The following DNAH5 variants were observed in gnomAD, a reference collection of about 807,000 sequenced individuals.
The protein encoded by DNAH5 is axonemal beta dynein heavy chain 5.
In DNAH5, 372 loss-of-function variants were observed where a neutral mutation model predicts 518.2. That is an observed-to-expected ratio of 0.72 (90% CI 0.66 to 0.78). The LOEUF (loss-of-function observed/expected upper bound fraction) is 0.78, where lower values mean the gene tolerates loss of function less well. DNAH5 is among the 30% of genes least tolerant of loss of function. DNAH5 has a pLI of 0.00. For synonymous variants in DNAH5, 2,039 were observed against 2,025.9 expected (o/e 1.01, Z -0.17); for missense variants, 5,523 against 5,687.0 (o/e 0.97, Z 0.93).
At chr5:13,725,512 G>T (rs774684659) in intron 70 of DNAH5, among the ~76,000 whole-genome samples, 1 of 152,200 alleles carries the variant, frequency 6.6e-6, no homozygotes, top group Non-Finnish European at 1.5e-5. Flanking sequence ...CCCCACTGTG[G>T]AGTGCTGCAT....
chr5:13,727,414 C>T, intron 70 of DNAH5, 93 bp downstream of exon 70: 1 of 1,263,804 alleles, frequency 7.9e-7, no homozygotes, highest in Non-Finnish European at 1.1e-6. Flanking sequence ...AAAATTCTCA[C>T]TGGAATTCAC....
At position 13,934,944 on chromosome 5, in the gene DNAH5, T is replaced by G. The variant is rs72735070; in HGVS notation, c.58-3700A>C. ...AAGCCAGGAAGATGTCCTGTTGTTT[T>G]GAATTGTTTTCTGCCTTCCTGGCAG... On this transcript the variant is annotated intron_variant, in intron 1 of 78. Transcript: ENST00000265104. Among the ~76,000 whole-genome samples, 510 of 152,366 alleles carry G rather than the reference T, an allele frequency of 3.3e-3. 1 individual carries two copies. Among genetic ancestry groups the G allele is most frequent in the Non-Finnish European group, 6.0e-3 (405 of 68,032 alleles).
At chr5:13,806,726 G>A (rs1423347421) in intron 47 of DNAH5, among the ~76,000 whole-genome samples, 2 of 152,036 alleles carry the variant, frequency 1.3e-5, no homozygotes, top group Non-Finnish European at 2.9e-5. Flanking sequence ...ATAAGGTCTT[G>A]TACAATTTAG....
At chr5:13,870,637 AAC>A (rs1769951935) in intron 24 of DNAH5, 128 bp downstream of exon 24, 1 of 893,046 alleles carries the variant, frequency 1.1e-6, no homozygotes, top group South Asian at 1.5e-5. Flanking sequence ...CGGTATCATC[AAC>A]AATATTGAAA....
intron 65 of DNAH5, among the ~76,000 whole-genome samples, chr5:13,739,329 T>C (rs1748056264): frequency 6.6e-6 from 1 of 152,308 alleles, no homozygotes; most frequent in South Asian, 2.1e-4. Context: ...GAGTGAATTC[T>C]CACAAGATCT....
intron 24 of DNAH5, 118 bp from the exon 25 acceptor site, chr5:13,868,110 G>A (rs1051418307): frequency 7.5e-5 from 63 of 836,332 alleles, no homozygotes; most frequent in Middle Eastern, 3.4e-4. Flanking sequence ...TACCCTGAGA[G>A]TTCTAGTTAT....
intron 12 of DNAH5, among the ~76,000 whole-genome samples, chr5:13,905,178 C>T (rs1205842004): frequency 6.6e-6 from 1 of 152,134 alleles, no homozygotes; most frequent in Non-Finnish European, 1.5e-5. Flanking sequence ...TTTTTAGAAA[C>T]CCATGGATCA....
At chr5:13,896,751 T>A (rs1773964277) in intron 15 of DNAH5, 1 of 152,220 alleles carries the variant, frequency 6.6e-6, no homozygotes, top group Non-Finnish European at 1.5e-5. Context: ...GAAAGGTACA[T>A]AATGTCAAAC....
chr5:13,938,191 G>A (rs908751786), intron 1 of DNAH5, among the ~76,000 whole-genome samples: 46 of 152,066 alleles, frequency 3.0e-4, no homozygotes, highest in Admixed American at 1.5e-3. Context: ...ATCTGCTCCC[G>A]GCACCCAATC....
chr5:13,787,269 T>C (rs1382137380), intron 51 of DNAH5, among the ~76,000 whole-genome samples: 1 of 151,296 alleles, frequency 6.6e-6, no homozygotes, highest in Non-Finnish European at 1.5e-5. Context: ...TCACAATCAA[T>C]TAACATTAGT....
At chr5:13,822,761 A>G (rs1276143358) in intron 40 of DNAH5, among the ~76,000 whole-genome samples, 1 of 152,226 alleles carries the variant, frequency 6.6e-6, no homozygotes, top group Non-Finnish European at 1.5e-5. Flanking sequence ...CAGAGACATC[A>G]TGATATACAT....
At chr5:13,946,895 A>G (rs1779971528), upstream of DNAH5, among the ~76,000 whole-genome samples, 1 of 152,256 alleles carries the variant, frequency 6.6e-6, no homozygotes, top group African/African-American at 2.4e-5. Flanking sequence ...CTATGAATAG[A>G]ACAGCTAATA....
rs767643647 is a variant in DNAH5 at position 13,865,778 on chromosome 5, T to C, written c.4245A>G (p.Ile1415Met). 1 of 1,612,194 alleles carries C rather than the reference T, an allele frequency of 6.2e-7. No homozygotes were observed. Among genetic ancestry groups the C allele is most frequent in the African/African-American group, 1.3e-5 (1 of 75,036 alleles). Residue 1415 changes from isoleucine (I) to methionine (M), a missense_variant, in exon 27 of 79, where the codon ATA becomes ATG. Coordinates refer to ENST00000265104, the MANE Select transcript of DNAH5 (RefSeq NM_001369.3). The stretch of plus-strand genomic sequence containing the variant: ...CTATGACACTGTTGTACAGAGTATA[T>C]ATTTTCTGTAGAAGATTTAGTTGCT... Reference protein sequence around the residue: ...IKKQLNLLQKIYTLYNSVIET... With the variant: ...IKKQLNLLQKMYTLYNSVIET...
chr5:13,739,584 A>G (rs577249542), intron 65 of DNAH5, among the ~76,000 whole-genome samples: 1 of 152,336 alleles, frequency 6.6e-6, no homozygotes, highest in South Asian at 2.1e-4. Context: ...TCTACTCCCT[A>G]TTGAGAGAGC....
At chr5:13,701,263 G>A (rs557316508) in intron 77 of DNAH5, 21 bp downstream of exon 77, 1 of 1,613,886 alleles carries the variant, frequency 6.2e-7, no homozygotes, top group Non-Finnish European at 8.5e-7. Context: ...TAACGCAACG[G>A]GTGCAAATCA....
At position 13,754,265 on chromosome 5, in the gene DNAH5, C is replaced by T. The variant is rs779734926; in HGVS notation, c.10493G>A (p.Gly3498Asp). 6.2e-7 allele frequency: 1 copy of T among 1,613,964 alleles called. No homozygotes were observed. Among genetic ancestry groups the T allele is most frequent in the Non-Finnish European group, 8.5e-7 (1 of 1,179,992 alleles). ...TASTLISGLA[G>D]EKERWTEQSQ... ...TTGCTCTGTCCATCTTTCTTTTTCA[C>T]CTGCCAAGCCACTGATGAGCGTGGA... is the stretch of plus-strand genomic sequence containing the variant. Residue 3498 changes from glycine (G) to aspartate (D), a missense_variant, in exon 62 of 79, where the codon GGT becomes GAT. Coordinates refer to ENST00000265104, the MANE Select transcript of DNAH5 (RefSeq NM_001369.3).
chr5:13,855,847 CAA>C (rs1767558169), intron 30 of DNAH5, among the ~76,000 whole-genome samples: 1 of 152,158 alleles, frequency 6.6e-6, no homozygotes, highest in African/African-American at 2.4e-5. Flanking sequence ...GAAACTCACT[CAA>C]AATTGCACAA....
intron 30 of DNAH5, among the ~76,000 whole-genome samples, chr5:13,853,604 T>A (rs895606440): frequency 1.3e-5 from 2 of 151,900 alleles, no homozygotes; most frequent in African/African-American, 2.4e-5. Context: ...TAACCCAATA[T>A]AAGGAAGCTG....
intron 70 of DNAH5, among the ~76,000 whole-genome samples, chr5:13,724,714 ATGAGAG>A (rs935281989): frequency 6.6e-6 from 1 of 152,204 alleles, no homozygotes; most frequent in African/African-American, 2.4e-5. Context: ...TGCTGTACTC[ATGAGAG>A]TGAGTGAGTT....
Sources: allele counts gnomAD v4.1 joint callset (sites outside exome capture counted in the v4.1 genomes callset), GRCh38; gene constraint gnomAD v4.1.1; transcripts MANE v1.5; gene names NCBI Gene and HGNC (gene_info 2026-07-23, HGNC 2026-07-21).